CDH18: variants seen among roughly 807,000 people sequenced by gnomAD.
The protein encoded by CDH18 is cadherin 18, also known as cadherin-18.
CDH18 carries 31 observed loss-of-function variants against 67.9 expected under a neutral mutation model. The ratio of observed to expected loss-of-function variants is 0.46; its 90% CI spans 0.34 to 0.62. The LOEUF is 0.62. Among genes scored for constraint, CDH18 ranks in the 20% least tolerant of loss-of-function variants. The pLI is 0.01. For synonymous variants in CDH18, 362 were observed against 347.2 expected (o/e 1.04, Z -0.48); for missense variants, 890 against 975.5 (o/e 0.91, Z 1.17).
intron 2 of CDH18, among the ~76,000 whole-genome samples, chr5:19,961,617 T>C (rs965079082): frequency 1.1e-4 from 16 of 152,124 alleles, no homozygotes; most frequent in African/African-American, 3.4e-4. Flanking sequence ...AGATAGTATC[T>C]TATCTTCATT....
intron 1 of CDH18, among the ~76,000 whole-genome samples, chr5:20,490,648 G>A (rs1753534828): frequency 1.3e-5 from 2 of 152,110 alleles, no homozygotes; most frequent in Admixed American, 6.6e-5. Flanking sequence ...CATAGATAGA[G>A]GCTGCAATTC....
chr5:20,260,426 T>C (rs1370212594), intron 1 of CDH18, among the ~76,000 whole-genome samples: 2 of 152,066 alleles, frequency 1.3e-5, no homozygotes, highest in Non-Finnish European at 2.9e-5. Context: ...AGGCCTCTTA[T>C]ATATGCTTGG....
intron 2 of CDH18, among the ~76,000 whole-genome samples, chr5:19,924,202 C>T (rs1205443193): frequency 1.3e-5 from 2 of 152,152 alleles, no homozygotes; most frequent in Non-Finnish European, 2.9e-5. Flanking sequence ...CTTTGAGAGT[C>T]ATGCTCCTTT....
chr5:20,559,489 T>G (rs1015270218), intron 1 of CDH18, among the ~76,000 whole-genome samples: 2 of 152,100 alleles, frequency 1.3e-5, no homozygotes, highest in Non-Finnish European at 2.9e-5. Context: ...ATGTAGCACT[T>G]GTTTTAGACA....
At chr5:20,552,762 T>A (rs969170110) in intron 1 of CDH18, among the ~76,000 whole-genome samples, 37 of 152,096 alleles carry the variant, frequency 2.4e-4, no homozygotes, top group African/African-American at 8.2e-4. Context: ...TCTTAAGATT[T>A]TTTTTTTTTC....
intron 1 of CDH18, among the ~76,000 whole-genome samples, chr5:20,265,536 C>T (rs10056849): frequency 2.6e-5 from 4 of 151,428 alleles, no homozygotes; most frequent in Admixed American, 2.6e-4. Flanking sequence ...AAAAGATTAT[C>T]GTAAGCTAAG....
At chr5:20,420,368 A>G (rs567775775) in intron 1 of CDH18, among the ~76,000 whole-genome samples, 8 of 151,336 alleles carry the variant, frequency 5.3e-5, no homozygotes, top group Non-Finnish European at 1.0e-4. Flanking sequence ...AATACCAACA[A>G]TGAAATAAAA....
At chr5:19,601,623 A>G (rs530030986) in intron 6 of CDH18, among the ~76,000 whole-genome samples, 1 of 78,304 alleles carries the variant, frequency 1.3e-5, no homozygotes, top group South Asian at 5.7e-4. Context: ...TTCTCCTGAA[A>G]CCAAAAATAG....
intron 2 of CDH18, among the ~76,000 whole-genome samples, chr5:20,117,696 T>C (rs979651435): frequency 6.6e-6 from 1 of 152,218 alleles, no homozygotes; most frequent in African/African-American, 2.4e-5. Flanking sequence ...TTATAATATA[T>C]GATGCTATTA....
intron 1 of CDH18, among the ~76,000 whole-genome samples, chr5:20,541,673 GTC>G (rs1239294676): frequency 6.6e-6 from 1 of 152,100 alleles, no homozygotes; most frequent in African/African-American, 2.4e-5. Context: ...TGAAAAATAT[GTC>G]TCTCTAAATA....
chr5:20,224,704 C>T (rs1324412675), intron 2 of CDH18, among the ~76,000 whole-genome samples: 3 of 151,948 alleles, frequency 2.0e-5, no homozygotes, highest in Non-Finnish European at 2.9e-5. Context: ...TAGTGTTTCT[C>T]TTTTTACAGA....
intron 5 of CDH18, among the ~76,000 whole-genome samples, chr5:19,720,426 A>C (rs1765932856): frequency 6.6e-6 from 1 of 152,142 alleles, no homozygotes; most frequent in Admixed American, 6.6e-5. Flanking sequence ...CATCCATCTC[A>C]TAAATATGTA....
intron 2 of CDH18, among the ~76,000 whole-genome samples, chr5:20,148,783 A>G (rs765124971): frequency 6.6e-6 from 1 of 152,084 alleles, no homozygotes; most frequent in African/African-American, 2.4e-5. Flanking sequence ...GCATGCATTG[A>G]CTCAAGAACT....
At chr5:20,295,740 T>C (rs1461549380) in intron 1 of CDH18, among the ~76,000 whole-genome samples, 1 of 151,720 alleles carries the variant, frequency 6.6e-6, no homozygotes, top group Admixed American at 6.6e-5. Flanking sequence ...AAAAAAAAAA[T>C]TCTAAGAAAG....
intron 11 of CDH18, among the ~76,000 whole-genome samples, chr5:19,497,706 AT>A (rs1407560182): frequency 2.6e-5 from 4 of 152,198 alleles, no homozygotes. Context: ...GTGTGAGGAA[AT>A]TAGCTACCTT....
intron 5 of CDH18, among the ~76,000 whole-genome samples, chr5:19,628,612 G>A (rs1751923398): frequency 6.6e-6 from 1 of 152,076 alleles, no homozygotes; most frequent in Non-Finnish European, 1.5e-5. Context: ...CTAGAATACA[G>A]AAAACTGTGA....
intron 5 of CDH18, among the ~76,000 whole-genome samples, chr5:19,616,227 GCTGT>G (rs1203535400): frequency 6.6e-6 from 1 of 151,930 alleles, no homozygotes; most frequent in African/African-American, 2.4e-5. Context: ...TAGCATAATA[GCTGT>G]CTTTTTTTTA....
chr5:19,667,613 A>C (rs902316140), intron 5 of CDH18, among the ~76,000 whole-genome samples: 9 of 149,266 alleles, frequency 6.0e-5, no homozygotes, highest in Non-Finnish European at 1.2e-4. Flanking sequence ...GGCTACATAA[A>C]TATTATAACT....
intron 3 of CDH18, among the ~76,000 whole-genome samples, chr5:19,812,416 TA>T (rs1778831101): frequency 6.6e-6 from 1 of 152,118 alleles, no homozygotes; most frequent in Admixed American, 6.6e-5. Context: ...ACAAAATATG[TA>T]ACTGAAATTT....
Sources: allele counts gnomAD v4.1 joint callset (sites outside exome capture counted in the v4.1 genomes callset), GRCh38; gene constraint gnomAD v4.1.1; transcripts MANE v1.5; gene names NCBI Gene and HGNC (gene_info 2026-07-23, HGNC 2026-07-21).